EIF3E: variants seen among roughly 807,000 people sequenced by gnomAD.
The protein encoded by EIF3E is eIF-3 p48.
Under a neutral mutation model 59.3 loss-of-function variants are expected in EIF3E, and 25 were observed. The ratio of observed to expected loss-of-function variants is 0.42; its 90% CI spans 0.31 to 0.59. EIF3E has a LOEUF of 0.59. EIF3E is among the 20% of genes least tolerant of loss of function. The pLI is 0.15. For missense variants in EIF3E, 317 were observed against 534.3 expected, an observed-to-expected ratio of 0.59 and a Z score of 4.01; for synonymous variants, 176 against 170.2, an observed-to-expected ratio of 1.03 and a Z score of -0.26.
rs543063971 is a variant in EIF3E, at chr8:108,235,171, G to T, written c.367-69C>A. On this transcript the variant is annotated intron_variant, in intron 4 of 12. Transcript: ENST00000220849. ...TTTAAAACCCCATTGTAATTCATAA[G>T]TCTTTGAGGTCAAAACTATGAATGT... The T allele has an allele frequency of 3.3e-6, 3 of 910,584 alleles. No individual in the cohort carries two copies. In the East Asian group the frequency reaches 8.6e-5, roughly 26 times the overall value. The allele number at this position is 910,584 out of a possible 1,614,324, so 56.4% of individuals were successfully genotyped here. A position where few individuals can be genotyped will look rare whatever the true frequency, so the allele number is the denominator to read the frequency against.
intron 1 of EIF3E, among the ~76,000 whole-genome samples, chr8:108,246,721 CCTTTTACT>C (rs1326079022): frequency 1.3e-5 from 2 of 152,170 alleles, no homozygotes; most frequent in Admixed American, 1.3e-4. Flanking sequence ...ACCAACCCCT[CCTTTTACT>C]CCTCCTCCTC....
chr8:108,204,720 ATAGTATGTATG>A (rs1815058523), intron 10 of EIF3E, among the ~76,000 whole-genome samples: 1 of 132,682 alleles, frequency 7.5e-6, no homozygotes, highest in Non-Finnish European at 1.6e-5. Context: ...TATACTATAT[ATAGTATGTATG>A]TATATATATA....
At chr8:108,242,568 C>A (rs919502088) in intron 1 of EIF3E, 4 of 1,155,782 alleles carry the variant, frequency 3.5e-6, no homozygotes, top group East Asian at 6.0e-5. Flanking sequence ...CTTAATTTTG[C>A]AAGGAAAGAA....
At chr8:108,215,090 G>A (rs1402446494) in intron 9 of EIF3E, among the ~76,000 whole-genome samples, 1 of 152,120 alleles carries the variant, frequency 6.6e-6, no homozygotes, top group Non-Finnish European at 1.5e-5. Context: ...TTAGAAATTA[G>A]AAGGAAAAGA....
At chr8:108,233,678 A>G (rs1330487055) in intron 5 of EIF3E, 2 of 309,246 alleles carry the variant, frequency 6.5e-6, no homozygotes, top group Admixed American at 3.5e-5. Context: ...TCCATCTTGG[A>G]AAAAAAAAAA....
At chr8:108,205,352 CTGAT>C (rs1277424386) in intron 10 of EIF3E, among the ~76,000 whole-genome samples, 1 of 152,176 alleles carries the variant, frequency 6.6e-6, no homozygotes, top group Non-Finnish European at 1.5e-5. Flanking sequence ...TATTTACTGT[CTGAT>C]TGATTCTTAT....
intron 7 of EIF3E, among the ~76,000 whole-genome samples, chr8:108,222,373 C>T (rs1315585153): frequency 2.0e-5 from 3 of 152,146 alleles, no homozygotes; most frequent in African/African-American, 7.2e-5. Context: ...GACTCCCTAC[C>T]TTACAGGGCA....
chr8:108,202,566 C>G (rs962899328), intron 12 of EIF3E, among the ~76,000 whole-genome samples: 1 of 151,876 alleles, frequency 6.6e-6, no homozygotes, highest in African/African-American at 2.4e-5. Flanking sequence ...TGTATAAGAT[C>G]AGCACTAATA....
chr8:108,245,906 T>C (rs1005672074), intron 1 of EIF3E, among the ~76,000 whole-genome samples: 1 of 152,188 alleles, frequency 6.6e-6, no homozygotes, highest in African/African-American at 2.4e-5. Flanking sequence ...AATGTAATAG[T>C]CTCCCCTTAT....
At chr8:108,238,676 T>G (rs1455065203) in intron 3 of EIF3E, among the ~76,000 whole-genome samples, 1 of 152,090 alleles carries the variant, frequency 6.6e-6, no homozygotes, top group African/African-American at 2.4e-5. Flanking sequence ...TAGTACGCTA[T>G]AGTATGGCAC....
chr8:108,238,546 T>C (rs1045766558), intron 3 of EIF3E, among the ~76,000 whole-genome samples: 1 of 151,734 alleles, frequency 6.6e-6, no homozygotes, highest in Middle Eastern at 3.2e-3. Flanking sequence ...ATTGTTATTT[T>C]TTAGTTTCTT....
intron 1 of EIF3E, among the ~76,000 whole-genome samples, chr8:108,244,941 CTA>C (rs1204519249): frequency 2.6e-5 from 4 of 151,938 alleles, no homozygotes; most frequent in African/African-American, 9.7e-5. Flanking sequence ...CTAAATATGT[CTA>C]TACTACTCCC....
chr8:108,214,712 A>G lies in EIF3E; in HGVS notation c.956T>C (p.Leu319Pro). The stretch of plus-strand genomic sequence containing the variant: ...AGCCACCAAGAAGAAGTCATTCACA[A>G]GCACCTATATGTACAAATACAACAA... Reference protein sequence around the residue: ...QKKLRECESVLVNDFFLVACL... With the variant: ...QKKLRECESVPVNDFFLVACL... The change falls in exon 10 of 13, where the codon CTT (leucine) becomes CCT (proline). Residue 319 changes from leucine (L) to proline (P), a missense_variant. Transcript: ENST00000220849. 1 of 1,607,472 alleles carries G rather than the reference A, an allele frequency of 6.2e-7. No individual in the cohort carries two copies. The highest frequency in any genetic ancestry group is 8.5e-7 in the Non-Finnish European group (1 of 1,178,684).
intron 10 of EIF3E, 35 bp from the exon 11 acceptor site, chr8:108,203,538 C>A (rs372299942): frequency 1.7e-5 from 27 of 1,584,368 alleles, no homozygotes; most frequent in Non-Finnish European, 2.2e-5. Context: ...TGTTAATTAA[C>A]TGGGCCTAAA....
intron 1 of EIF3E, among the ~76,000 whole-genome samples, chr8:108,244,142 AAAT>A (rs773500684): frequency 2.6e-5 from 4 of 152,234 alleles, no homozygotes; most frequent in Non-Finnish European, 5.9e-5. Flanking sequence ...TTTGAAACAG[AAAT>A]AATAACAGTA....
intron 7 of EIF3E, among the ~76,000 whole-genome samples, chr8:108,218,297 A>G (rs948575705): frequency 6.6e-6 from 1 of 151,726 alleles, no homozygotes; most frequent in Non-Finnish European, 1.5e-5. Context: ...CTTCAAGTTC[A>G]CTCCACACAG....
At chr8:108,213,913 AAG>A (rs773793072) in intron 10 of EIF3E, among the ~76,000 whole-genome samples, 1 of 152,230 alleles carries the variant, frequency 6.6e-6, no homozygotes, top group Non-Finnish European at 1.5e-5. Flanking sequence ...ATTAAAGAAA[AAG>A]AATTTGTTTT....
chr8:108,245,926 A>C (rs1016511156), intron 1 of EIF3E, among the ~76,000 whole-genome samples: 1 of 152,194 alleles, frequency 6.6e-6, no homozygotes, highest in African/African-American at 2.4e-5. Context: ...TCCATGAGCT[A>C]AATGTTCCAA....
intron 1 of EIF3E, among the ~76,000 whole-genome samples, chr8:108,247,230 G>A (rs572315853): frequency 1.3e-5 from 2 of 151,950 alleles, no homozygotes; most frequent in South Asian, 4.2e-4. Context: ...CCTTCTGTGT[G>A]CCATAAAAAA....
Sources: gnomAD v4.1 joint callset for allele counts (sites outside exome capture counted in the v4.1 genomes callset) on GRCh38, gnomAD v4.1.1 for gene constraint, MANE v1.5 for transcripts, NCBI Gene and HGNC (gene_info 2026-07-23, HGNC 2026-07-21) for gene names.